The following JAK2 variants were observed in gnomAD, a reference collection of about 807,000 sequenced individuals.
The protein encoded by JAK2 is Janus kinase 2.
In JAK2, 86 loss-of-function variants were observed where a neutral mutation model predicts 139.3. The observed-to-expected ratio is 0.62, with a 90% CI of 0.52 to 0.74. JAK2 has a LOEUF of 0.74. Among genes scored for constraint, JAK2 ranks in the 30% least tolerant of loss-of-function variants. The pLI is 0.00. For synonymous variants in JAK2, 490 were observed against 437.7 expected, an observed-to-expected ratio of 1.12 and a Z score of -1.49; for missense variants, 1,421 against 1,360.3, an observed-to-expected ratio of 1.04 and a Z score of -0.70.
chr9:5,114,710 ATGGG>A, intron 22 of JAK2: 1 of 389,762 alleles, frequency 2.6e-6, no homozygotes, highest in South Asian at 2.1e-5. Context: ...CCAGGGCTGA[ATGGG>A]AACAGAAAAA....
chr9:5,112,557 C>G, intron 22 of JAK2: 1 of 623,506 alleles, frequency 1.6e-6, no homozygotes. Flanking sequence ...TGGCCAATAA[C>G]GCCAGGGAGC....
intron 22 of JAK2, among the ~76,000 whole-genome samples, chr9:5,115,207 C>A (rs950277408): frequency 3.9e-5 from 6 of 152,028 alleles, no homozygotes; most frequent in Non-Finnish European, 7.4e-5. Context: ...AGAACTTAAA[C>A]AAGTTCACAA....
chr9:5,073,577 C>G, intron 13 of JAK2, 121 bp from the exon 14 acceptor site: 1 of 746,146 alleles, frequency 1.3e-6, no homozygotes, highest in Non-Finnish European at 2.3e-6. Context: ...ACATTGTATC[C>G]TCATCTATAG....
intron 1 of JAK2, 150 bp downstream of exon 1, chr9:4,985,780 G>A (rs1405641735): frequency 6.6e-6 from 1 of 152,528 alleles, no homozygotes; most frequent in Non-Finnish European, 1.5e-5. Context: ...CCTAGAACGA[G>A]TCTTGCTGGT....
intron 22 of JAK2, chr9:5,109,900 G>A (rs980658721): frequency 6.6e-6 from 1 of 152,146 alleles, no homozygotes; most frequent in African/African-American, 2.4e-5. Flanking sequence ...GGATGAGAAG[G>A]TATAGGAATC....
intron 2 of JAK2, among the ~76,000 whole-genome samples, chr9:4,989,461 A>G (rs1333447653): frequency 6.6e-6 from 1 of 152,180 alleles, no homozygotes; most frequent in Non-Finnish European, 1.5e-5. Context: ...AAAAAAAACC[A>G]CAACACACAG....
chr9:5,042,477 C>T (rs1410499645), intron 4 of JAK2, among the ~76,000 whole-genome samples: 1 of 152,208 alleles, frequency 6.6e-6, no homozygotes. Context: ...TAGTCCTCCC[C>T]TCCAAGAGCA....
chr9:5,013,538 T>A (rs1042680066), intron 2 of JAK2, among the ~76,000 whole-genome samples: 45 of 152,200 alleles, frequency 3.0e-4, no homozygotes, highest in Non-Finnish European at 1.0e-4. Context: ...ATCTGAACCT[T>A]CCAATCCAGC....
intron 8 of JAK2, among the ~76,000 whole-genome samples, chr9:5,063,965 G>A (rs1818376806): frequency 6.6e-6 from 1 of 152,324 alleles, no homozygotes; most frequent in South Asian, 2.1e-4. Flanking sequence ...AGACCAGCCT[G>A]GCCAACATGT....
chr9:5,109,434 T>C (rs1822253691), intron 22 of JAK2: 3 of 152,146 alleles, frequency 2.0e-5, no homozygotes, highest in South Asian at 2.1e-4. Flanking sequence ...TTTTAAAGGA[T>C]TGGAGTCATC....
chr9:5,109,754 T>C (rs1822283291), intron 22 of JAK2: 2 of 152,210 alleles, frequency 1.3e-5, no homozygotes, highest in Admixed American at 1.3e-4. Context: ...TTTATTCTAG[T>C]AGCACTATTT....
rs749005257 is a variant in JAK2, at chr9:5,029,780, T to C, written c.227-3T>C. 2 of 1,602,778 alleles carry C rather than the reference T, an allele frequency of 1.2e-6. No individual in the cohort carries two copies. The highest frequency in any genetic ancestry group is 1.7e-6 in the Non-Finnish European group (2 of 1,175,114). ...ATAATTCCTTTCTCTGCTTCTTTTC[T>C]AGGTATCACACCTGTGTATCATAAT... On this transcript the variant is annotated splice_region_variant and splice_polypyrimidine_tract_variant and intron_variant, in intron 3 of 24. Coordinates refer to ENST00000381652, the MANE Select transcript of JAK2 (RefSeq NM_004972.4).
intron 22 of JAK2, chr9:5,113,460 C>T (rs1451307601): frequency 1.4e-5 from 2 of 147,280 alleles, no homozygotes; most frequent in African/African-American, 5.0e-5. Context: ...CCCGGACTGA[C>T]CTTGGCCAGG....
In JAK2 at chr9:5,089,537, CAAAAAAAAAAAAAA is replaced by C. The variant is rs58042774; in HGVS notation, c.2572-122_2572-109del. 357 of 87,086 alleles carry C rather than the reference CAAAAAAAAAAAAAA, an allele frequency of 4.1e-3. 13 individuals are homozygous for C. In the East Asian group the frequency reaches 0.084, roughly 21 times the overall value. 5.4% of individuals were successfully genotyped at this position (87,086 alleles called of 1,614,324 possible). On this transcript the variant is annotated intron_variant, in intron 19 of 24. Coordinates refer to ENST00000381652, the MANE Select transcript of JAK2 (RefSeq NM_004972.4). ...TGGGTGACAGAGCGAGACTTCGTCTCAAAAAAAAAAAAAAAAAAAAAAAAAAAAGACAGTCTGCT... is the reference window on the plus strand; with the variant it reads ...TGGGTGACAGAGCGAGACTTCGTCTCAAAAAAAAAAAAAAGACAGTCTGCT...
At position 5,037,420 on chromosome 9, in the gene JAK2, C is replaced by T. The variant is rs536110686; in HGVS notation, c.351-6983C>T. On this transcript the variant is annotated intron_variant, in intron 4 of 24. Coordinates refer to ENST00000381652, the MANE Select transcript of JAK2 (RefSeq NM_004972.4). Reference sequence around the variant, plus strand: ...GACACATGCACACGTATGTTTATTGCGGCACTATTCACAATAACAAAGACT... The same window carrying T: ...GACACATGCACACGTATGTTTATTGTGGCACTATTCACAATAACAAAGACT... Among the ~76,000 whole-genome samples the T allele has an allele frequency of 5.9e-3, 901 of 152,210 alleles. 9 individuals carry two copies. Among genetic ancestry groups the T allele is most frequent in the African/African-American group, 0.02 (819 of 41,516 alleles).
At chr9:5,039,488 G>T (rs1816325636) in intron 4 of JAK2, among the ~76,000 whole-genome samples, 1 of 152,082 alleles carries the variant, frequency 6.6e-6, no homozygotes, top group African/African-American at 2.4e-5. Flanking sequence ...ATGAGTATTT[G>T]CAGATTTTGG....
chr9:5,026,721 G>A (rs539223102), intron 3 of JAK2, among the ~76,000 whole-genome samples: 1 of 152,128 alleles, frequency 6.6e-6, no homozygotes, highest in Non-Finnish European at 1.5e-5. Flanking sequence ...GTGTGTGTAC[G>A]TGTATGCGTA....
At chr9:5,036,338 G>A (rs1325131179) in intron 4 of JAK2, among the ~76,000 whole-genome samples, 2 of 152,152 alleles carry the variant, frequency 1.3e-5, no homozygotes, top group East Asian at 1.9e-4. Context: ...TCCCCATCAA[G>A]CTACAGATGA....
chr9:5,049,592 A>G (rs1042475534), intron 5 of JAK2, among the ~76,000 whole-genome samples: 4 of 152,168 alleles, frequency 2.6e-5, no homozygotes, highest in Non-Finnish European at 5.9e-5. Flanking sequence ...TGCTTCCTAT[A>G]TCATGTCTGG....
Sources: allele counts gnomAD v4.1 joint callset (sites outside exome capture counted in the v4.1 genomes callset), GRCh38; gene constraint gnomAD v4.1.1; transcripts MANE v1.5; gene names NCBI Gene and HGNC (gene_info 2026-07-23, HGNC 2026-07-21).